GABRB1: variants seen among roughly 807,000 people sequenced by gnomAD.
GABRB1 encodes the protein gamma-aminobutyric acid type A receptor subunit beta1, also known as gamma-aminobutyric acid receptor subunit beta-1.
Under a neutral mutation model 51.6 loss-of-function variants are expected in GABRB1, and 17 were observed. The ratio of observed to expected loss-of-function variants is 0.33; its 90% confidence interval spans 0.23 to 0.49. GABRB1 has a LOEUF of 0.49. Among genes scored for constraint, GABRB1 ranks in the 20% least tolerant of loss-of-function variants. GABRB1 has a pLI of 0.99. For synonymous variants in GABRB1, 247 were observed against 218.9 expected, an observed-to-expected ratio of 1.13 and a Z score of -1.14; for missense variants, 410 against 600.6, an observed-to-expected ratio of 0.68 and a Z score of 3.32.
At chr4:47,254,738 C>A (rs189065041) in intron 4 of GABRB1, among the ~76,000 whole-genome samples, 10 of 152,224 alleles carry the variant, frequency 6.6e-5, no homozygotes, top group African/African-American at 2.4e-4. Context: ...TTACCAATAG[C>A]TATATTGTCA....
intron 4 of GABRB1, among the ~76,000 whole-genome samples, chr4:47,163,579 T>C (rs1718052305): frequency 2.6e-5 from 4 of 151,972 alleles, no homozygotes; most frequent in Admixed American, 2.6e-4. Context: ...AAAAACTACC[T>C]ATTGAGTGCT....
chr4:47,413,277 A>C (rs998078165), intron 8 of GABRB1, among the ~76,000 whole-genome samples: 1 of 152,160 alleles, frequency 6.6e-6, no homozygotes, highest in Non-Finnish European at 1.5e-5. Flanking sequence ...AAACTTCTTC[A>C]TATTTAGGTG....
chr4:47,425,396 C>T (rs142457130), intron 8 of GABRB1, among the ~76,000 whole-genome samples: 7,065 of 143,858 alleles, frequency 0.049, 534 homozygotes, highest in African/African-American at 0.17. Flanking sequence ...CACACACACA[C>T]ACACACACAC....
chr4:47,222,132 A>G (rs1408075568), intron 4 of GABRB1, among the ~76,000 whole-genome samples: 1 of 152,148 alleles, frequency 6.6e-6, no homozygotes, highest in Non-Finnish European at 1.5e-5. Context: ...GCAAAGCATC[A>G]TCTCCATCAA....
At chr4:47,059,929 C>A (rs577314278) in intron 3 of GABRB1, among the ~76,000 whole-genome samples, 5 of 152,268 alleles carry the variant, frequency 3.3e-5, no homozygotes, top group African/African-American at 9.6e-5. Flanking sequence ...GGACTTAGAA[C>A]CTTACAGTCC....
At chr4:47,361,234 C>A (rs530583891) in intron 5 of GABRB1, among the ~76,000 whole-genome samples, 2 of 152,174 alleles carry the variant, frequency 1.3e-5, no homozygotes, top group East Asian at 3.9e-4. Flanking sequence ...ATGTTCCTGG[C>A]CGTAACAACA....
intron 5 of GABRB1, among the ~76,000 whole-genome samples, chr4:47,389,247 C>A (rs1727902218): frequency 6.6e-6 from 1 of 152,178 alleles, no homozygotes; most frequent in African/African-American, 2.4e-5. Flanking sequence ...TTATCCCCAT[C>A]CCCTTCCCTG....
intron 1 of GABRB1, among the ~76,000 whole-genome samples, chr4:47,014,338 A>G (rs988172504): frequency 1.2e-4 from 19 of 152,220 alleles, no homozygotes; most frequent in African/African-American, 4.6e-4. Flanking sequence ...GGGTTTGTCA[A>G]TATAAATTTT....
At chr4:47,029,049 T>A (rs75366652), upstream of GABRB1, among the ~76,000 whole-genome samples, 4,544 of 151,814 alleles carry the variant, frequency 0.03, 303 homozygotes, top group East Asian at 0.15. Flanking sequence ...GACATTCAAC[T>A]ATTTTGACTG....
At chr4:47,051,549 A>C (rs1726349780) in intron 3 of GABRB1, among the ~76,000 whole-genome samples, 1 of 152,178 alleles carries the variant, frequency 6.6e-6, no homozygotes, top group Non-Finnish European at 1.5e-5. Flanking sequence ...CCACTTCCTC[A>C]TAAAGGCTTT....
At chr4:47,123,992 CAT>C (rs1161055406) in intron 3 of GABRB1, among the ~76,000 whole-genome samples, 5 of 125,880 alleles carry the variant, frequency 4.0e-5, no homozygotes, top group African/African-American at 1.2e-4. Context: ...CACACACACA[CAT>C]GCATATATAT....
chr4:47,292,491 A>G (rs1176298041), intron 4 of GABRB1, among the ~76,000 whole-genome samples: 1 of 152,238 alleles, frequency 6.6e-6, no homozygotes, highest in Non-Finnish European at 1.5e-5. Flanking sequence ...AAGCCCCTTG[A>G]GGGCTCTAAT....
intron 1 of GABRB1, among the ~76,000 whole-genome samples, chr4:47,014,379 A>G (rs1483980006): frequency 6.6e-6 from 1 of 152,222 alleles, no homozygotes; most frequent in Non-Finnish European, 1.5e-5. Context: ...GAACCTGTCA[A>G]TATCTAAATC....
intron 4 of GABRB1, among the ~76,000 whole-genome samples, chr4:47,214,256 G>A (rs948509913): frequency 1.3e-5 from 2 of 152,108 alleles, no homozygotes; most frequent in Non-Finnish European, 2.9e-5. Context: ...TGTTTACCAC[G>A]GGTGGTGGGA....
chr4:47,144,806 C>T (rs1215241182), intron 3 of GABRB1, among the ~76,000 whole-genome samples: 1 of 144,002 alleles, frequency 6.9e-6, no homozygotes, highest in Non-Finnish European at 1.6e-5. Flanking sequence ...TCATGCTTGC[C>T]TCATATACAC....
chr4:47,343,279 C>T (rs753951838), intron 5 of GABRB1, among the ~76,000 whole-genome samples: 15 of 151,964 alleles, frequency 9.9e-5, no homozygotes, highest in East Asian at 9.6e-4. Context: ...AATTTTTAAA[C>T]GAGGATAAAA....
chr4:47,352,128 C>T (rs1405116684), intron 5 of GABRB1, among the ~76,000 whole-genome samples: 146 of 152,120 alleles, frequency 9.6e-4, no homozygotes, highest in African/African-American at 3.1e-3. Flanking sequence ...GGTATCTCAT[C>T]GTGGTTTTGA....
At chr4:47,343,610 T>C (rs923832686) in intron 5 of GABRB1, among the ~76,000 whole-genome samples, 1 of 152,154 alleles carries the variant, frequency 6.6e-6, no homozygotes, top group African/African-American at 2.4e-5. Flanking sequence ...TTCTGTCAGC[T>C]GTCCTGATTG....
chr4:47,271,706 G>A (rs1722880925), intron 4 of GABRB1, among the ~76,000 whole-genome samples: 1 of 152,084 alleles, frequency 6.6e-6, no homozygotes, highest in African/African-American at 2.4e-5. Context: ...TATATCATCA[G>A]TAACGTTTCA....
Sources: gnomAD v4.1 joint callset for allele counts (sites outside exome capture counted in the v4.1 genomes callset) on GRCh38, gnomAD v4.1.1 for gene constraint, MANE v1.5 for transcripts, NCBI Gene and HGNC (gene_info 2026-07-23, HGNC 2026-07-21) for gene names.